RRAS2: variants seen among roughly 807,000 people sequenced by gnomAD.
RRAS2 encodes the protein ras-related protein R-Ras2.
A neutral mutation model predicts 27.6 loss-of-function variants in RRAS2; 7 were observed. The ratio of observed to expected loss-of-function variants is 0.25; its 90% CI spans 0.14 to 0.48. RRAS2 has a LOEUF of 0.48. RRAS2 is among the 20% of genes least tolerant of loss of function. RRAS2 has a pLI of 0.99. For missense variants in RRAS2, 178 were observed against 256.2 expected, an observed-to-expected ratio of 0.69 and a Z score of 2.08; for synonymous variants, 86 against 90.9, an observed-to-expected ratio of 0.95 and a Z score of 0.31.
chr11:14,307,910 C>CATTT (rs1554948337), intron 1 of RRAS2, among the ~76,000 whole-genome samples: 1 of 151,918 alleles, frequency 6.6e-6, no homozygotes, highest in African/African-American at 2.4e-5. Context: ...AGAAACTTAT[C>CATTT]CTGCCGATAG....
chr11:14,295,773 A>G lies in RRAS2; in HGVS notation c.191T>C (p.Leu64Pro), dbSNP rs782481088. 1 of 1,607,514 alleles carries G rather than the reference A, an allele frequency of 6.2e-7. No homozygotes were observed. Among genetic ancestry groups the G allele is most frequent in the Non-Finnish European group, 8.5e-7 (1 of 1,176,414 alleles). Residue 64 changes from leucine (L) to proline (P), a missense_variant, in exon 2 of 6, where the codon CTA (leucine) becomes CCA (proline). Transcript: ENST00000256196. ...QCVIDDRAARLDILDTAGQEE... is the reference protein window; with the variant it reads ...QCVIDDRAARPDILDTAGQEE... The stretch of plus-strand genomic sequence containing the variant: ...AACAAAGGAAGTTTACTTACTATCT[A>G]GCCGGGCTGCTCTGTCATCTATCAC...
intron 1 of RRAS2, chr11:14,356,707 T>C (rs1451969514): frequency 2.3e-6 from 1 of 436,750 alleles, no homozygotes; most frequent in Admixed American, 2.7e-5. Context: ...ACTTCTTTAA[T>C]ATCATCTAGA....
In RRAS2 at chr11:14,347,755, T is replaced by C. The variant is rs143364937; in HGVS notation, c.108+11008A>G. Among the ~76,000 whole-genome samples the C allele has an allele frequency of 5.9e-3, 894 of 151,862 alleles. 8 individuals are homozygous for C. The highest frequency in any genetic ancestry group is 7.7e-3 in the South Asian group (37 of 4,806). On this transcript the variant is annotated intron_variant, in intron 1 of 5. Transcript: ENST00000256196. ...CATTTCAGCCCAGGAGTTCCGAGGG[T>C]GCAGTGACCTGTCATCACACCACTA...
intron 1 of RRAS2, among the ~76,000 whole-genome samples, chr11:14,306,048 C>T (rs1378736897): frequency 6.6e-6 from 1 of 151,080 alleles, no homozygotes; most frequent in Non-Finnish European, 1.5e-5. Context: ...CTATCCCCCA[C>T]CGCCGCCCCC....
rs547442977 is a variant in RRAS2, at chr11:14,278,124, T to C, written c.*1213A>G. 6.6e-6 allele frequency: 1 copy of C among 152,382 alleles called. No individual in the cohort carries two copies. Among genetic ancestry groups the C allele is most frequent in the Non-Finnish European group, 1.5e-5 (1 of 68,038 alleles). 9.4% of individuals were successfully genotyped at this position (152,382 alleles called of 1,614,324 possible). Reference sequence around the variant, plus strand: ...CAAAATCAGATGCCATCCACAGTTATACTAATTATCCATTAAAAGCTTACA... The same window carrying C: ...CAAAATCAGATGCCATCCACAGTTACACTAATTATCCATTAAAAGCTTACA... On this transcript the variant is annotated 3_prime_UTR_variant, in exon 6 of 6. Transcript: ENST00000256196.
chr11:14,280,726 C>CAAAAAAAAAAA lies in RRAS2; in HGVS notation c.527+865_527+875dup, dbSNP rs58781581. 4.1e-4 allele frequency among the ~76,000 whole-genome samples: 20 copies of CAAAAAAAAAAA among 48,330 alleles called. 1 individual carries two copies. Among genetic ancestry groups the CAAAAAAAAAAA allele is most frequent in the East Asian group, 1.3e-3 (2 of 1,564 alleles). The allele number at this position is 48,330 out of a possible 152,430, so 31.7% of individuals were successfully genotyped here. A position where few individuals can be genotyped will look rare whatever the true frequency, so the allele number is the denominator to read the frequency against. On this transcript the variant is annotated intron_variant, in intron 5 of 5. Transcript: ENST00000256196. ...GGGTGACAAAGAGAAACTCTGTTTC[C>CAAAAAAAAAAA]AAAAAAAAAAAAAAAAAAAAAAAAA...
At chr11:14,317,934 A>G (rs1245391395) in intron 1 of RRAS2, among the ~76,000 whole-genome samples, 1 of 152,218 alleles carries the variant, frequency 6.6e-6, no homozygotes, top group African/African-American at 2.4e-5. Context: ...ATGTCTCTAA[A>G]TAAGTAAATA....
At chr11:14,293,985 T>C (rs1554946186) in intron 4 of RRAS2, among the ~76,000 whole-genome samples, 2 of 152,224 alleles carry the variant, frequency 1.3e-5, no homozygotes, top group African/African-American at 4.8e-5. Context: ...GTGTTAGAGC[T>C]AGCCAATGTA....
intron 1 of RRAS2, among the ~76,000 whole-genome samples, chr11:14,332,507 T>C (rs1268685504): frequency 6.6e-6 from 1 of 151,802 alleles, no homozygotes; most frequent in African/African-American, 2.4e-5. Flanking sequence ...GTCTCAAAAA[T>C]AGTAATAATA....
chr11:14,283,667 T>C (rs1554944668), intron 4 of RRAS2, among the ~76,000 whole-genome samples: 1 of 152,214 alleles, frequency 6.6e-6, no homozygotes, highest in East Asian at 1.9e-4. Context: ...TATGTCCATT[T>C]CATTTAACTT....
At chr11:14,326,607 G>A (rs1848362143) in intron 1 of RRAS2, among the ~76,000 whole-genome samples, 1 of 152,162 alleles carries the variant, frequency 6.6e-6, no homozygotes, top group African/African-American at 2.4e-5. Flanking sequence ...TATACCAGCT[G>A]ACTTGACAAA....
chr11:14,308,706 C>T (rs145474686), intron 1 of RRAS2, among the ~76,000 whole-genome samples: 1 of 152,328 alleles, frequency 6.6e-6, no homozygotes, highest in East Asian at 1.9e-4. Flanking sequence ...ACTTGCAAAG[C>T]TGAGAGACAC....
intron 1 of RRAS2, among the ~76,000 whole-genome samples, chr11:14,319,428 G>A (rs540057011): frequency 4.6e-4 from 59 of 129,208 alleles, no homozygotes; most frequent in African/African-American, 1.3e-3. Flanking sequence ...GCGCAATCTC[G>A]GCTCAGTGCA....
upstream of RRAS2, among the ~76,000 whole-genome samples, chr11:14,361,153 G>A (rs1278473453): frequency 1.3e-5 from 2 of 152,110 alleles, no homozygotes; most frequent in African/African-American, 2.4e-5. Context: ...AGCTGGGCGT[G>A]GTACACGCCT....
At chr11:14,310,977 C>T (rs1847950427) in intron 1 of RRAS2, among the ~76,000 whole-genome samples, 1 of 152,184 alleles carries the variant, frequency 6.6e-6, no homozygotes, top group Non-Finnish European at 1.5e-5. Flanking sequence ...ACAGTGTGTG[C>T]ATACACACTG....
chr11:14,351,296 A>T (rs1314089657), intron 1 of RRAS2, among the ~76,000 whole-genome samples: 3 of 152,218 alleles, frequency 2.0e-5, no homozygotes, highest in African/African-American at 7.2e-5. Context: ...AATGAATTGG[A>T]TAATCTGAGA....
In RRAS2 at chr11:14,358,216, A is replaced by T. The variant is rs527273831; in HGVS notation, c.108+547T>A. 1 of 985,446 alleles carries T rather than the reference A, an allele frequency of 1.0e-6. No individual in the cohort carries two copies. The highest frequency in any genetic ancestry group is 1.7e-5 in the African/African-American group (1 of 57,388). The allele number at this position is 985,446 out of a possible 1,614,324, so 61.0% of individuals were successfully genotyped here. On this transcript the variant is annotated intron_variant, in intron 1 of 5. Coordinates refer to ENST00000256196, the MANE Select transcript of RRAS2 (RefSeq NM_012250.6). This position sits in a 1 kb window ranked among gnomAD's most constrained non-coding sequence, Gnocchi z 5.1. ...GGACATATTACCTAAGAGAGTACTT[A>T]TAAAAAGAGCGTAACACACACACAA... is the stretch of plus-strand genomic sequence containing the variant.
rs146545576 is a variant in RRAS2, at chr11:14,289,600, C to T, written c.408+4871G>A. Among the ~76,000 whole-genome samples the T allele has an allele frequency of 1.1e-3, 167 of 152,308 alleles. 1 individual carries two copies. In the Middle Eastern group the frequency reaches 0.027, roughly 25 times the overall value. On this transcript the variant is annotated intron_variant, in intron 4 of 5. Transcript: ENST00000256196. ...CCAGATGGCTGGTAATACTAAACAA[C>T]CACTCAAATTCTACAGATATCTTTT...
chr11:14,313,470 G>A (rs1848025294), intron 1 of RRAS2, among the ~76,000 whole-genome samples: 1 of 152,082 alleles, frequency 6.6e-6, no homozygotes, highest in Admixed American at 6.5e-5. Context: ...CCTGAATGGT[G>A]GCATCCAAAA....
Sources: gnomAD v4.1 joint callset for allele counts (sites outside exome capture counted in the v4.1 genomes callset) on GRCh38, gnomAD v4.1.1 for gene constraint, Gnocchi (gnomAD v3.1) non-coding constraint, MANE v1.5 for transcripts, NCBI Gene and HGNC (gene_info 2026-07-23, HGNC 2026-07-21) for gene names.